Variants in PDE4D observed in about 807,000 individuals in gnomAD.
PDE4D encodes the protein phosphodiesterase 4D, also known as 3',5'-cyclic-AMP phosphodiesterase 4D.
In PDE4D, 24 loss-of-function variants were observed where a neutral mutation model predicts 87.4. That is an observed-to-expected ratio of 0.27 (90% CI 0.20 to 0.39). The LOEUF (loss-of-function observed/expected upper bound fraction) is 0.39, where lower values mean the gene tolerates loss of function less well. Ranked by LOEUF, PDE4D falls within the 10% of genes least tolerant of loss-of-function variation. The pLI, the probability that PDE4D is intolerant of heterozygous loss-of-function variation, is 1.00. For missense variants in PDE4D, 714 were observed against 1,041.0 expected, an observed-to-expected ratio of 0.69 and a Z score of 4.32; for synonymous variants, 384 against 383.2, an observed-to-expected ratio of 1.00 and a Z score of -0.02.
intron 5 of PDE4D, among the ~76,000 whole-genome samples, chr5:59,077,987 G>C (rs769700997): frequency 6.6e-6 from 1 of 152,108 alleles, no homozygotes; most frequent in African/African-American, 2.4e-5. Context: ...ATGAGCAACC[G>C]CGCATCTGGT....
chr5:60,030,313 G>A (rs10061543), intron 2 of PDE4D, among the ~76,000 whole-genome samples: 28,314 of 151,938 alleles, frequency 0.19, 2,849 homozygotes, highest in African/African-American at 0.28. Context: ...AGCCGGGCGC[G>A]GTGGCGGGCA....
At chr5:60,202,764 T>C (rs575095848) in intron 1 of PDE4D, among the ~76,000 whole-genome samples, 4 of 150,918 alleles carry the variant, frequency 2.7e-5, no homozygotes, top group South Asian at 4.2e-4. Flanking sequence ...GTCTATCAGA[T>C]GGTACATGAA....
chr5:60,222,136 A>G (rs2149599497), intron 1 of PDE4D, among the ~76,000 whole-genome samples: 1 of 152,286 alleles, frequency 6.6e-6, no homozygotes, highest in Non-Finnish European at 1.5e-5. Context: ...AAGTGAGGTC[A>G]TAAAAGCTTC....
At chr5:59,070,690 T>G (rs895288498) in intron 5 of PDE4D, among the ~76,000 whole-genome samples, 1 of 152,232 alleles carries the variant, frequency 6.6e-6, no homozygotes, top group Admixed American at 6.5e-5. Context: ...TTTTCCTTCT[T>G]GAAAATTCTT....
intron 2 of PDE4D, among the ~76,000 whole-genome samples, chr5:59,997,015 T>C (rs1373171039): frequency 6.6e-6 from 1 of 152,104 alleles, no homozygotes; most frequent in Non-Finnish European, 1.5e-5. Flanking sequence ...AAAAAAGGAA[T>C]AGAAAAATCT....
chr5:59,032,378 G>A (rs932706210), intron 6 of PDE4D, among the ~76,000 whole-genome samples: 4 of 152,114 alleles, frequency 2.6e-5, no homozygotes, highest in African/African-American at 2.4e-5. Flanking sequence ...TCAAGAGATC[G>A]AGACCATCCT....
intron 1 of PDE4D, among the ~76,000 whole-genome samples, chr5:59,519,242 C>G (rs1032203443): frequency 6.6e-6 from 1 of 152,178 alleles, no homozygotes; most frequent in African/African-American, 2.4e-5. Context: ...AAAGCCCTTG[C>G]CCTTATAGAG....
intron 1 of PDE4D, among the ~76,000 whole-genome samples, chr5:60,458,374 G>A (rs1289503082): frequency 4.8e-4 from 56 of 117,270 alleles, no homozygotes; most frequent in Admixed American, 2.0e-3. Context: ...GCAACAGGGT[G>A]AGACTTCATT....
At chr5:60,327,908 G>GT (rs1309510061) in intron 1 of PDE4D, among the ~76,000 whole-genome samples, 14 of 152,052 alleles carry the variant, frequency 9.2e-5, no homozygotes, top group Non-Finnish European at 1.9e-4. Flanking sequence ...TGATTTTTAT[G>GT]TTTTTTCTAC....
intron 2 of PDE4D, among the ~76,000 whole-genome samples, chr5:60,132,044 T>A (rs183609601): frequency 6.6e-6 from 1 of 152,314 alleles, no homozygotes; most frequent in Non-Finnish European, 1.5e-5. Context: ...GATGGCCTTT[T>A]CCCCATTCTC....
At chr5:60,297,742 C>T (rs980742280) in intron 1 of PDE4D, among the ~76,000 whole-genome samples, 12 of 152,308 alleles carry the variant, frequency 7.9e-5, no homozygotes, top group African/African-American at 2.9e-4. Flanking sequence ...TGTTTTGATT[C>T]ATAAATGAGA....
At chr5:59,167,977 G>C (rs919613210) in intron 5 of PDE4D, among the ~76,000 whole-genome samples, 6 of 152,018 alleles carry the variant, frequency 3.9e-5, no homozygotes, top group Non-Finnish European at 7.4e-5. Flanking sequence ...ATCCAGAAAA[G>C]AATGTCATAA....
intron 2 of PDE4D, among the ~76,000 whole-genome samples, chr5:60,042,390 T>C (rs1362534370): frequency 6.6e-6 from 1 of 152,216 alleles, no homozygotes; most frequent in Non-Finnish European, 1.5e-5. Context: ...CAAACATTCC[T>C]GCCTGCTGGC....
At chr5:59,231,390 T>C (rs547200104) in intron 1 of PDE4D, among the ~76,000 whole-genome samples, 1 of 152,336 alleles carries the variant, frequency 6.6e-6, no homozygotes, top group African/African-American at 2.4e-5. Context: ...AAATATTGCA[T>C]GCCACTTTCA....
chr5:59,267,150 G>A lies in PDE4D; in HGVS notation c.456-51182C>T, dbSNP rs72765968. 3.9e-3 allele frequency among the ~76,000 whole-genome samples: 588 copies of A among 152,152 alleles called. 1 individual carries two copies. The highest frequency in any genetic ancestry group is 5.4e-3 in the Non-Finnish European group (366 of 68,000). On this transcript the variant is annotated intron_variant, in intron 1 of 14. Coordinates refer to ENST00000340635, the MANE Select transcript of PDE4D (RefSeq NM_001104631.2). Reference sequence around the variant, plus strand: ...CAGTTACTTGCTATTCTATAACAAAGTTGCAGTATCAGAGCAAAAATCACA... The same window carrying A: ...CAGTTACTTGCTATTCTATAACAAAATTGCAGTATCAGAGCAAAAATCACA...
intron 2 of PDE4D, among the ~76,000 whole-genome samples, chr5:60,013,464 T>C (rs1397310782): frequency 1.3e-5 from 2 of 152,016 alleles, no homozygotes; most frequent in Non-Finnish European, 2.9e-5. Context: ...TGTGAGTACC[T>C]CGTGTGTGTG....
intron 2 of PDE4D, among the ~76,000 whole-genome samples, chr5:59,209,948 A>G (rs1417462283): frequency 6.6e-6 from 1 of 152,180 alleles, no homozygotes; most frequent in African/African-American, 2.4e-5. Flanking sequence ...ACCCATGTAC[A>G]TTCCCTCTGT....
chr5:59,689,433 T>C (rs1750509558), intron 1 of PDE4D, among the ~76,000 whole-genome samples: 2 of 152,142 alleles, frequency 1.3e-5, no homozygotes. Context: ...AATCAATAAA[T>C]GTAATCCAGC....
chr5:59,452,998 T>C (rs1427101300), intron 1 of PDE4D, among the ~76,000 whole-genome samples: 1 of 152,090 alleles, frequency 6.6e-6, no homozygotes, highest in Non-Finnish European at 1.5e-5. Context: ...CAACCTTGTG[T>C]AGAGCAAGTC....
Sources: gnomAD v4.1 joint callset for allele counts (sites outside exome capture counted in the v4.1 genomes callset) on GRCh38, gnomAD v4.1.1 for gene constraint, MANE v1.5 for transcripts, NCBI Gene and HGNC (gene_info 2026-07-23, HGNC 2026-07-21) for gene names.